The following SPEF2 variants were observed in gnomAD, a reference collection of about 807,000 sequenced individuals.
SPEF2 encodes the protein sperm flagella and cilia-associated protein 2.
Under a neutral mutation model 224.6 loss-of-function variants are expected in SPEF2, and 187 were observed. That is an observed-to-expected ratio of 0.83 (90% CI 0.74 to 0.94). The LOEUF is 0.94. Among genes scored for constraint, SPEF2 ranks in the 40% least tolerant of loss-of-function variants. The probability of loss-of-function intolerance (pLI) is 0.00; values close to 1 mark genes in which losing one functional copy is unlikely to be tolerated. For synonymous variants in SPEF2, 715 were observed against 707.3 expected, an observed-to-expected ratio of 1.01 and a Z score of -0.17; for missense variants, 2,170 against 2,135.6, an observed-to-expected ratio of 1.02 and a Z score of -0.32.
intron 26 of SPEF2, among the ~76,000 whole-genome samples, chr5:35,768,254 A>G (rs1444793699): frequency 6.6e-6 from 1 of 152,146 alleles, no homozygotes; most frequent in Admixed American, 6.5e-5. Context: ...TGATGATCAT[A>G]GCAGAGACCA....
rs189203478 is a variant in SPEF2 at position 35,694,743 on chromosome 5, T to C, written c.1975+380T>C. Among the ~76,000 whole-genome samples the C allele has an allele frequency of 7.9e-5, 12 of 152,306 alleles. 2 individuals are homozygous for C. In the East Asian group the frequency reaches 2.3e-3, roughly 29 times the overall value. ...TGGGGCTTTCTACGTGCTCCTGCTT[T>C]GTTTATTGTATTGCAGAAGGCTGTA... On this transcript the variant is annotated intron_variant, in intron 13 of 36. Coordinates refer to ENST00000356031, the MANE Select transcript of SPEF2 (RefSeq NM_024867.4).
rs6891905 is a variant in SPEF2, at chr5:35,670,639, A to G, written c.1524+412A>G. The G allele has an allele frequency of 0.58, 566,778 of 984,754 alleles. 164,286 individuals are homozygous for G. Among genetic ancestry groups the G allele is most frequent in the East Asian group, 0.74 (6,560 of 8,872 alleles). The allele number at this position is 984,754 out of a possible 1,614,324, so 61.0% of individuals were successfully genotyped here. The stretch of plus-strand genomic sequence containing the variant: ...TTACAGGCAAAATGAAAGAGGAGGA[A>G]GTCTGGGTTTTATGAATAGCATAGA... On this transcript the variant is annotated intron_variant, in intron 10 of 36. Coordinates refer to ENST00000356031, the MANE Select transcript of SPEF2 (RefSeq NM_024867.4).
intron 10 of SPEF2, among the ~76,000 whole-genome samples, chr5:35,683,344 G>T (rs538080417): frequency 3.5e-4 from 53 of 152,208 alleles, no homozygotes; most frequent in African/African-American, 1.3e-3. Context: ...GTGCTAGTGG[G>T]CCGGGTGCTG....
At chr5:35,724,599 G>A (rs1005111211) in intron 20 of SPEF2, among the ~76,000 whole-genome samples, 29 of 152,146 alleles carry the variant, frequency 1.9e-4, no homozygotes, top group Admixed American at 1.9e-3. Context: ...TCTACAGCCA[G>A]CCCGCCTAGA....
intron 10 of SPEF2, among the ~76,000 whole-genome samples, chr5:35,681,494 A>C (rs1752792852): frequency 6.6e-6 from 1 of 152,216 alleles, no homozygotes; most frequent in Non-Finnish European, 1.5e-5. Flanking sequence ...TAGACATGAG[A>C]TTAGAACTGA....
intron 11 of SPEF2, among the ~76,000 whole-genome samples, chr5:35,692,027 T>C (rs558753765): frequency 2.0e-5 from 3 of 151,244 alleles, no homozygotes; most frequent in African/African-American, 7.3e-5. Flanking sequence ...CTCAATCTCC[T>C]GATCTCGTGA....
intron 32 of SPEF2, among the ~76,000 whole-genome samples, chr5:35,794,629 G>C (rs886833555): frequency 6.6e-6 from 1 of 152,174 alleles, no homozygotes; most frequent in African/African-American, 2.4e-5. Context: ...ATTTTTAAAA[G>C]TGCGCACTCG....
At chr5:35,685,517 G>C (rs547714920) in intron 10 of SPEF2, among the ~76,000 whole-genome samples, 1 of 152,096 alleles carries the variant, frequency 6.6e-6, no homozygotes, top group African/African-American at 2.4e-5. Context: ...GTCAAAAGTG[G>C]CCTAAACAAA....
chr5:35,619,270 T>C (rs1743126568), intron 1 of SPEF2, among the ~76,000 whole-genome samples: 1 of 152,264 alleles, frequency 6.6e-6, no homozygotes, highest in South Asian at 2.1e-4. Context: ...TTATTGTTTC[T>C]TATTCCTGTC....
chr5:35,758,772 G>A (rs975247321), intron 24 of SPEF2, among the ~76,000 whole-genome samples: 1 of 152,048 alleles, frequency 6.6e-6, no homozygotes, highest in African/African-American at 2.4e-5. Flanking sequence ...TTGGGAGGCC[G>A]AGGTGGACAG....
intron 30 of SPEF2, among the ~76,000 whole-genome samples, chr5:35,786,529 A>C (rs1209562259): frequency 6.6e-6 from 1 of 152,098 alleles, no homozygotes; most frequent in African/African-American, 2.4e-5. Context: ...GCGTGGTGGC[A>C]GTTGCTTGTA....
intron 28 of SPEF2, 29 bp downstream of exon 28, chr5:35,774,050 T>G: frequency 6.2e-7 from 1 of 1,604,832 alleles, no homozygotes. Context: ...AAGATGATGC[T>G]TTTCAGTAGA....
At chr5:35,662,103 T>G (rs2149457454) in intron 8 of SPEF2, among the ~76,000 whole-genome samples, 1 of 152,298 alleles carries the variant, frequency 6.6e-6, no homozygotes, top group African/African-American at 2.4e-5. Context: ...TTTTTGACTT[T>G]TTGGTAATAG....
chr5:35,760,602 T>C (rs1751140036), intron 25 of SPEF2, among the ~76,000 whole-genome samples: 1 of 152,038 alleles, frequency 6.6e-6, no homozygotes, highest in Non-Finnish European at 1.5e-5. Flanking sequence ...AAAATAAACT[T>C]GGTGGTAGGA....
At chr5:35,808,594 G>A (rs1758337787) in intron 36 of SPEF2, among the ~76,000 whole-genome samples, 1 of 151,802 alleles carries the variant, frequency 6.6e-6, no homozygotes, top group South Asian at 2.1e-4. Context: ...CTTTTATATG[G>A]CTGCATAGTA....
intron 30 of SPEF2, chr5:35,781,804 T>G (rs1754387511): frequency 6.6e-6 from 1 of 152,184 alleles, no homozygotes; most frequent in African/African-American, 2.4e-5. Context: ...TTTAGGTATA[T>G]CTAAAATAAT....
intron 10 of SPEF2, among the ~76,000 whole-genome samples, chr5:35,672,584 G>A (rs1203859135): frequency 6.6e-6 from 1 of 151,548 alleles, no homozygotes; most frequent in Non-Finnish European, 1.5e-5. Context: ...ATTTCTTGAA[G>A]AGACCAAAGA....
intron 10 of SPEF2, among the ~76,000 whole-genome samples, chr5:35,682,121 G>C (rs1404820976): frequency 3.3e-5 from 5 of 152,188 alleles, no homozygotes; most frequent in Non-Finnish European, 5.9e-5. Flanking sequence ...CACCTGCAGA[G>C]TGGTAGGCCA....
intron 36 of SPEF2, among the ~76,000 whole-genome samples, chr5:35,812,900 T>G (rs1445742689): frequency 6.6e-6 from 1 of 152,240 alleles, no homozygotes; most frequent in Non-Finnish European, 1.5e-5. Context: ...CCTTTATCTT[T>G]ATAACAAAAT....
Sources: gnomAD v4.1 joint callset for allele counts (sites outside exome capture counted in the v4.1 genomes callset) on GRCh38, gnomAD v4.1.1 for gene constraint, MANE v1.5 for transcripts, NCBI Gene and HGNC (gene_info 2026-07-23, HGNC 2026-07-21) for gene names.